TCF20: variants seen among roughly 807,000 people sequenced by gnomAD.
TCF20 encodes transcription factor 20.
TCF20 carries 3 observed loss-of-function variants against 148.6 expected under a neutral mutation model. The observed-to-expected ratio is 0.02, with a 90% CI of 0.01 to 0.05. The LOEUF (loss-of-function observed/expected upper bound fraction) is 0.05. Ranked by LOEUF, TCF20 falls within the 10% of genes least tolerant of loss-of-function variation. TCF20 has a pLI of 1.00. For missense variants in TCF20, 2,350 were observed against 2,429.3 expected (o/e 0.97, Z 0.69); for synonymous variants, 1,049 against 909.5 (o/e 1.15, Z -2.76).
chr22:42,221,942 G>A (rs1040217817), intron 1 of TCF20, among the ~76,000 whole-genome samples: 8 of 151,892 alleles, frequency 5.3e-5, no homozygotes, highest in Non-Finnish European at 8.8e-5. Flanking sequence ...GTTTCACCGT[G>A]TTAGCCAGGA....
rs1227291851 is a variant in TCF20 at position 42,255,517 on chromosome 22, ACAACAACAACAAAAC to A, written c.-37+14807_-37+14821del. Among the ~76,000 whole-genome samples the A allele has an allele frequency of 4.7e-3, 706 of 151,584 alleles. 3 individuals are homozygous for A. The highest frequency in any genetic ancestry group is 0.016 in the African/African-American group (667 of 41,244). ...AACAACAACAACAACAACAACAACA[ACAACAACAACAAAAC>A]CACATTATTTATTGTTATAAATGTT... On this transcript the variant is annotated intron_variant, in intron 1 of 5. Coordinates refer to ENST00000677622, the MANE Select transcript of TCF20 (RefSeq NM_001378418.1).
At chr22:42,194,760 C>T (rs1344012385) in intron 2 of TCF20, among the ~76,000 whole-genome samples, 1 of 151,972 alleles carries the variant, frequency 6.6e-6, no homozygotes, top group Non-Finnish European at 1.5e-5. Context: ...TGACATGTGC[C>T]TATTTCCCCT....
intron 1 of TCF20, among the ~76,000 whole-genome samples, chr22:42,300,180 A>G (rs901142457): frequency 6.6e-6 from 1 of 152,056 alleles, no homozygotes; most frequent in African/African-American, 2.4e-5. Context: ...AGGCAGGGTA[A>G]GGGGAGGCAG....
intron 1 of TCF20, among the ~76,000 whole-genome samples, chr22:42,234,638 G>T (rs1923716197): frequency 6.6e-6 from 1 of 152,126 alleles, no homozygotes; most frequent in Non-Finnish European, 1.5e-5. Flanking sequence ...TCCTTCTGAA[G>T]ATTGAGCGTC....
At chr22:42,298,910 C>G (rs1236096193) in intron 1 of TCF20, among the ~76,000 whole-genome samples, 3 of 152,174 alleles carry the variant, frequency 2.0e-5, no homozygotes, top group Non-Finnish European at 4.4e-5. Context: ...ATCCCTGCCT[C>G]AAGTCGGGGG....
Position 42,181,439 on chromosome 22 carries a change from CACTT to C in TCF20, c.5656-1741_5656-1738del, listed in dbSNP as rs1936767498. ...CTCATCGCATCTGGCCTCCTGCTGC[CACTT>C]TCTTACTCAAGAGGCCCGAAGATAT... On this transcript the variant is annotated intron_variant, in intron 2 of 5. Coordinates refer to ENST00000677622, the MANE Select transcript of TCF20 (RefSeq NM_001378418.1). 6.8e-5 allele frequency among the ~76,000 whole-genome samples: 10 copies of C among 146,464 alleles called. No homozygotes were observed. In the South Asian group the frequency reaches 1.9e-3, roughly 27 times the overall value.
At chr22:42,177,944 A>C (rs1936544114) in intron 3 of TCF20, among the ~76,000 whole-genome samples, 1 of 152,154 alleles carries the variant, frequency 6.6e-6, no homozygotes, top group African/African-American at 2.4e-5. Context: ...TGGGCACCAG[A>C]GAGACGAAGC....
rs181693876 is a variant in TCF20 at position 42,318,403 on chromosome 22, C to T, written c.-37+25076G>A. On this transcript the variant is annotated intron_variant, in intron 1 of 1. Coordinates refer to the TCF20 transcript ENST00000515426. ...AATATACAATAACACCCTCCACTTC[C>T]CTCGCGGCCTGTGAGAGGAGAGGGG... 3.2e-3 allele frequency among the ~76,000 whole-genome samples: 481 copies of T among 152,304 alleles called. 5 individuals carry two copies. The highest frequency in any genetic ancestry group is 0.011 in the African/African-American group (454 of 41,564).
chr22:42,336,814 G>A (rs772284174), intron 1 of TCF20, among the ~76,000 whole-genome samples: 1 of 152,066 alleles, frequency 6.6e-6, no homozygotes, highest in African/African-American at 2.4e-5. Flanking sequence ...GGTACTCCTC[G>A]CTCTTCAGGC....
intron 1 of TCF20, chr22:42,278,692 A>G (rs1317257703): frequency 6.6e-6 from 1 of 152,262 alleles, no homozygotes; most frequent in East Asian, 1.9e-4. Flanking sequence ...AACAGAGAAC[A>G]TTCCTAGAGC....
chr22:42,307,944 T>C (rs1423952409), intron 1 of TCF20, among the ~76,000 whole-genome samples: 1 of 152,242 alleles, frequency 6.6e-6, no homozygotes, highest in Non-Finnish European at 1.5e-5. Context: ...TCCACAGCCC[T>C]GGCCATATGT....
chr22:42,222,733 C>A (rs752009079), intron 1 of TCF20, among the ~76,000 whole-genome samples: 63 of 152,172 alleles, frequency 4.1e-4, no homozygotes, highest in Non-Finnish European at 6.6e-4. Context: ...AATGTGTTAT[C>A]CATGTGATTT....
chr22:42,211,869 C>A lies in TCF20; in HGVS notation c.3437G>T (p.Gly1146Val). 1 of 1,614,180 alleles carries A rather than the reference C, an allele frequency of 6.2e-7. No homozygotes were observed. Among genetic ancestry groups the A allele is most frequent in the South Asian group, 1.1e-5 (1 of 91,076 alleles). The change falls in exon 2 of 6, where the codon GGC becomes GTC. Residue 1146 changes from glycine to valine, a missense_variant. Around this residue, in one of 7 missense-constraint regions of TCF20, gnomAD observed 1,641 missense variants for 1,662.6 expected, o/e 0.99. Transcript: ENST00000677622. ...LKNDKDGMMY[G>V]PPVGTYHDPS... The stretch of plus-strand genomic sequence containing the variant: ...GTCATGGTAAGTCCCCACTGGTGGG[C>A]CATACATCATACCATCTTTGTCATT...
rs1921100301 is a variant in TCF20 at position 42,212,582 on chromosome 22, G to A, written c.2724C>T (p.Val908=). The A allele has an allele frequency of 1.2e-6, 2 of 1,614,078 alleles. No homozygotes were observed. The highest frequency in any genetic ancestry group is 1.7e-6 in the Non-Finnish European group (2 of 1,179,926). The part of the protein sequence containing the change: ...DRLNPTLSQS[V]ILPGGLVSME... ...TGGACACCAAACCACCAGGAAGAAT[G>A]ACCGACTGACTTAAAGTTGGATTGA... Residue 908 remains valine, a synonymous_variant, in exon 2 of 6, where the codon GTC becomes GTT. Transcript: ENST00000677622.
At chr22:42,341,177 C>G (rs1484696408) in intron 1 of TCF20, among the ~76,000 whole-genome samples, 1 of 152,174 alleles carries the variant, frequency 6.6e-6, no homozygotes, top group African/African-American at 2.4e-5. Flanking sequence ...TGCAAACCCC[C>G]CAGTCCCCCA....
At chr22:42,267,631 G>A (rs947689081) in intron 1 of TCF20, among the ~76,000 whole-genome samples, 1 of 152,152 alleles carries the variant, frequency 6.6e-6, no homozygotes, top group African/African-American at 2.4e-5. Context: ...AACCCGGGAG[G>A]CGGAGGTTAC....
chr22:42,319,102 G>A (rs1233018674), intron 1 of TCF20, among the ~76,000 whole-genome samples: 1 of 152,200 alleles, frequency 6.6e-6, no homozygotes, highest in Admixed American at 6.5e-5. Context: ...GCCGTGGGAG[G>A]GCAGAGATGG....
At chr22:42,323,866 G>GTGGTGGTGGTGGCGGAGGTTA (rs1569209610) in intron 1 of TCF20, among the ~76,000 whole-genome samples, 4 of 129,880 alleles carry the variant, frequency 3.1e-5, no homozygotes, top group African/African-American at 5.3e-5. Flanking sequence ...GGTTATGGTG[G>GTGGTGGTGGTGGCGGAGGTTA]TGGTGGTGGT....
In TCF20 at chr22:42,210,833, A is replaced by G. The variant is rs775870538; in HGVS notation, c.4473T>C (p.Phe1491=). 2.5e-6 allele frequency: 4 copies of G among 1,614,062 alleles called. No homozygotes were observed. The highest frequency in any genetic ancestry group is 2.5e-6 in the Non-Finnish European group (3 of 1,180,006). Residue 1491 remains phenylalanine (F), a synonymous_variant, in exon 2 of 6, where the codon TTT becomes TTC. Coordinates refer to ENST00000677622, the MANE Select transcript of TCF20 (RefSeq NM_001378418.1). This position sits in a 1 kb window ranked among gnomAD's most constrained non-coding sequence, Gnocchi z 4.7. ...GSLGGTAPLI[F]PDSKNVPPVG... is the part of the protein sequence containing the mutation. Reference sequence around the variant, plus strand: ...CTGGAGGTACATTCTTTGAGTCTGGAAAGATTAAAGGTGCTGTTCCACCCA... The same window carrying G: ...CTGGAGGTACATTCTTTGAGTCTGGGAAGATTAAAGGTGCTGTTCCACCCA...
Sources: allele counts gnomAD v4.1 joint callset (sites outside exome capture counted in the v4.1 genomes callset), GRCh38; gene constraint gnomAD v4.1.1; regional missense constraint gnomAD v4.1.1; non-coding constraint Gnocchi (gnomAD v3.1); transcripts MANE v1.5; gene names NCBI Gene and HGNC (gene_info 2026-07-23, HGNC 2026-07-21).